The following IQSEC3 variants were observed in gnomAD, a reference collection of about 807,000 sequenced individuals.
The protein encoded by IQSEC3 is IQ motif and Sec7 domain ArfGEF 3.
In IQSEC3, 50 loss-of-function variants were observed where a neutral mutation model predicts 105.4. The observed-to-expected ratio is 0.47, with a 90% CI of 0.38 to 0.60. IQSEC3 has a LOEUF of 0.60. Among genes scored for constraint, IQSEC3 ranks in the 20% least tolerant of loss-of-function variants. IQSEC3 has a pLI of 0.00. For missense variants in IQSEC3, 1,415 were observed against 1,630.0 expected, an observed-to-expected ratio of 0.87 and a Z score of 2.27; for synonymous variants, 708 against 746.0, an observed-to-expected ratio of 0.95 and a Z score of 0.83.
chr12:164,791 G>T (rs1565448566), intron 9 of IQSEC3: 1 of 152,748 alleles, frequency 6.5e-6, no homozygotes, highest in East Asian at 1.9e-4. Flanking sequence ...GCAACCAGAT[G>T]ACTTTACTAA....
chr12:93,736 A>T (rs1199295425), intron 1 of IQSEC3, among the ~76,000 whole-genome samples: 1 of 152,156 alleles, frequency 6.6e-6, no homozygotes, highest in Non-Finnish European at 1.5e-5. Context: ...CCAGAGTTGG[A>T]GGTGGGGCCT....
intron 1 of IQSEC3, among the ~76,000 whole-genome samples, chr12:80,060 T>C (rs1479722002): frequency 6.6e-6 from 1 of 152,202 alleles, no homozygotes; most frequent in Admixed American, 6.5e-5. Flanking sequence ...CTAGGTCCTT[T>C]CTGCTGTCTG....
chr12:70,144 G>C (rs1208805523), intron 1 of IQSEC3, among the ~76,000 whole-genome samples: 2 of 152,268 alleles, frequency 1.3e-5, no homozygotes, highest in African/African-American at 4.8e-5. Context: ...GGTGGCTGAA[G>C]AGTGGGTGAG....
chr12:103,081 C>T (rs1463628416), intron 2 of IQSEC3, among the ~76,000 whole-genome samples: 4 of 152,136 alleles, frequency 2.6e-5, no homozygotes, highest in African/African-American at 7.2e-5. Flanking sequence ...GTCGTTGCCC[C>T]TACCGACCGC....
In IQSEC3 at chr12:110,654, C is replaced by T. The variant is rs534041577; in HGVS notation, c.623+11440C>T. 2.2e-3 allele frequency among the ~76,000 whole-genome samples: 336 copies of T among 152,184 alleles called. 8 individuals are homozygous for T. Among genetic ancestry groups the T allele is most frequent in the Admixed American group, 0.02 (299 of 15,298 alleles). Reference sequence around the variant, plus strand: ...GCCCTTATAATCATTCCCCTCTCTTCCCCAGGAAACAGAATATTTATGATT... The same window carrying T: ...GCCCTTATAATCATTCCCCTCTCTTTCCCAGGAAACAGAATATTTATGATT... On this transcript the variant is annotated intron_variant, in intron 2 of 13. Transcript: ENST00000538872.
intron 2 of IQSEC3, among the ~76,000 whole-genome samples, chr12:122,652 G>C (rs577552338): frequency 2.1e-4 from 32 of 152,312 alleles, no homozygotes; most frequent in Admixed American, 1.2e-3. Flanking sequence ...CGATCCCACT[G>C]GGGACTTAGG....
intron 1 of IQSEC3, among the ~76,000 whole-genome samples, chr12:70,598 C>G (rs1423341444): frequency 6.6e-6 from 1 of 152,272 alleles, no homozygotes; most frequent in Non-Finnish European, 1.5e-5. Flanking sequence ...TTATTACTAT[C>G]CCTTTCCTGG....
intron 3 of IQSEC3, among the ~76,000 whole-genome samples, chr12:134,031 G>T (rs1865679500): frequency 6.6e-6 from 1 of 152,276 alleles, no homozygotes; most frequent in Non-Finnish European, 1.5e-5. Flanking sequence ...GGGGAGATCT[G>T]TGGCCAGGTG....
At chr12:156,999 C>T (rs923548363) in intron 5 of IQSEC3, 26 bp from the exon 6 acceptor site, 8 of 1,562,300 alleles carry the variant, frequency 5.1e-6, no homozygotes, top group Non-Finnish European at 6.9e-6. Flanking sequence ...GCCACCTGAC[C>T]TCACACCCTC....
intron 5 of IQSEC3, among the ~76,000 whole-genome samples, chr12:155,007 C>T (rs962087293): frequency 1.3e-5 from 2 of 152,196 alleles, no homozygotes; most frequent in African/African-American, 2.4e-5. Flanking sequence ...CTGTACTCAT[C>T]GGACCACAGC....
At chr12:86,402 T>A (rs1863918365) in intron 1 of IQSEC3, among the ~76,000 whole-genome samples, 2 of 152,192 alleles carry the variant, frequency 1.3e-5, no homozygotes, top group South Asian at 4.1e-4. Context: ...CAGGCTTTGC[T>A]GTCCCCATAA....
chr12:165,334 G>A, intron 9 of IQSEC3, 100 bp from the exon 10 acceptor site: 3 of 837,368 alleles, frequency 3.6e-6, no homozygotes, highest in South Asian at 2.8e-5. Context: ...ATTCATCACT[G>A]CGTGGGTTTG....
intron 2 of IQSEC3, among the ~76,000 whole-genome samples, chr12:101,563 G>A (rs368650322): frequency 6.3e-4 from 96 of 152,176 alleles, no homozygotes; most frequent in African/African-American, 1.6e-3. Context: ...CCCTGCTTAC[G>A]GGGGCCCTCC....
chr12:158,970 T>C (rs1294622438), intron 7 of IQSEC3, among the ~76,000 whole-genome samples: 1 of 152,214 alleles, frequency 6.6e-6, no homozygotes, highest in African/African-American at 2.4e-5. Context: ...TTGTTAATTA[T>C]TTTTATTTTA....
At chr12:78,513 A>T (rs1199741452) in intron 1 of IQSEC3, among the ~76,000 whole-genome samples, 2 of 151,198 alleles carry the variant, frequency 1.3e-5, no homozygotes, top group South Asian at 2.1e-4. Context: ...AGCAAAAAAA[A>T]AAAATAAATT....
chr12:140,021 T>C (rs1865952197), intron 4 of IQSEC3, among the ~76,000 whole-genome samples: 1 of 152,046 alleles, frequency 6.6e-6, no homozygotes, highest in Non-Finnish European at 1.5e-5. Flanking sequence ...CCCATGGAAA[T>C]GTCAGGTCCA....
chr12:169,565 A>G (rs1362173533), intron 12 of IQSEC3, among the ~76,000 whole-genome samples: 1 of 152,118 alleles, frequency 6.6e-6, no homozygotes, highest in Admixed American at 6.5e-5. Flanking sequence ...AATGAGCCAC[A>G]AGCACTTCCT....
At chr12:125,956 C>T (rs1555083341) in intron 3 of IQSEC3, 44 bp downstream of exon 3, 8 of 1,510,180 alleles carry the variant, frequency 5.3e-6, no homozygotes, top group Admixed American at 4.1e-5. Context: ...GGTGAAGGGG[C>T]CCTGCTTTGG....
chr12:157,078 G>A lies in IQSEC3; in HGVS notation c.2207G>A (p.Arg736His), dbSNP rs371016888. Residue 736 changes from arginine (R) to histidine (H), a missense_variant, in exon 6 of 14, where the codon CGC becomes CAC. Arg to His is a conservative substitution (Grantham distance 29). This residue lies in a region of IQSEC3 where 213 missense variants were observed against 306.2 expected (regional missense o/e 0.70). Transcript: ENST00000538872. ...AGCATGGAGCTGGACGAGGCCCTGC[G>A]CAAGTTCCAGGCACACATCCGTGTG... Reference protein sequence around the residue: ...FSSMELDEALRKFQAHIRVQG... With the variant: ...FSSMELDEALHKFQAHIRVQG... The A allele has an allele frequency of 9.3e-6, 15 of 1,605,938 alleles. No homozygotes were observed. The highest frequency in any genetic ancestry group is 1.7e-5 in the Admixed American group (1 of 59,036).
Sources: allele counts gnomAD v4.1 joint callset (sites outside exome capture counted in the v4.1 genomes callset), GRCh38; gene constraint gnomAD v4.1.1; regional missense constraint gnomAD v4.1.1; transcripts MANE v1.5; gene names NCBI Gene and HGNC (gene_info 2026-07-23, HGNC 2026-07-21).